The following TRIM67 variants were observed in gnomAD, a reference collection of about 807,000 sequenced individuals.
TRIM67 encodes the protein tripartite motif-containing protein 67.
In TRIM67, 39 loss-of-function variants were observed where a neutral mutation model predicts 71.0. The ratio of observed to expected loss-of-function variants is 0.55; its 90% CI spans 0.43 to 0.72. The LOEUF is 0.72. Ranked by LOEUF, TRIM67 falls within the 30% of genes least tolerant of loss-of-function variation. The pLI, the probability that TRIM67 is intolerant of heterozygous loss-of-function variation, is 0.00. For missense variants in TRIM67, 973 were observed against 1,079.2 expected (o/e 0.90, Z 1.38); for synonymous variants, 481 against 473.9 (o/e 1.01, Z -0.19).
intron 1 of TRIM67, among the ~76,000 whole-genome samples, chr1:231,171,985 A>C (rs1682629980): frequency 6.6e-6 from 1 of 152,128 alleles, no homozygotes; most frequent in Non-Finnish European, 1.5e-5. Context: ...AGTCCCAGCT[A>C]CTCAAGAGGC....
Position 231,163,997 on chromosome 1 carries a change from T to G in TRIM67, c.1028T>G (p.Met343Arg). The G allele has an allele frequency of 6.4e-7, 1 of 1,564,628 alleles. No individual in the cohort carries two copies. Among genetic ancestry groups the G allele is most frequent in the South Asian group, 1.2e-5 (1 of 83,700 alleles). ...AKHEVKPLGA[M>R]WKQHKAQLSQ... ...CACGAGGTGAAGCCGCTGGGGGCCA[T>G]GTGGAAGCAGCACAAGGTGAGCCCG... is the stretch of plus-strand genomic sequence containing the variant. Residue 343 changes from methionine (M) to arginine (R), a missense_variant, in exon 1 of 10, where the codon ATG becomes AGG. Physicochemically the swap from Met to Arg is moderately conservative, Grantham distance 91 (BLOSUM62 -1). Around this residue, in one of 2 missense-constraint regions of TRIM67, gnomAD observed 795 missense variants for 831.3 expected, o/e 0.96. Coordinates refer to ENST00000366653, the MANE Select transcript of TRIM67 (RefSeq NM_001004342.5).
Position 231,219,182 on chromosome 1 carries a change from T to C in TRIM67, c.*3742T>C. Reference sequence around the variant, plus strand: ...CACAGCCCGTGGGGTGGCGCCAGGGTTTCTCAACCTCTACTGACATTTTGC... The same window carrying C: ...CACAGCCCGTGGGGTGGCGCCAGGGCTTCTCAACCTCTACTGACATTTTGC... On this transcript the variant is annotated 3_prime_UTR_variant, in exon 10 of 10. Coordinates refer to ENST00000366653, the MANE Select transcript of TRIM67 (RefSeq NM_001004342.5). 2.0e-6 allele frequency: 2 copies of C among 985,250 alleles called. No homozygotes were observed. The highest frequency in any genetic ancestry group is 2.4e-6 in the Non-Finnish European group (2 of 829,976). The allele number at this position is 985,250 out of a possible 1,614,324, so 61.0% of individuals were successfully genotyped here.
intron 1 of TRIM67, chr1:231,184,928 G>C: frequency 8.1e-7 from 1 of 1,228,448 alleles, no homozygotes; most frequent in Non-Finnish European, 1.1e-6. Flanking sequence ...TTGAATTCAG[G>C]GCCCAACCCT....
chr1:231,197,280 C>T (rs1358984219), intron 1 of TRIM67, 91 bp from the exon 2 acceptor site: 1 of 1,060,406 alleles, frequency 9.4e-7, no homozygotes, highest in Non-Finnish European at 1.4e-6. Flanking sequence ...GTCCTATCCC[C>T]TCTTATAAAC....
rs533018657 is a variant in TRIM67, at chr1:231,162,450, C to T, written c.-520C>T. 1.9e-5 allele frequency: 3 copies of T among 153,916 alleles called. No individual in the cohort carries two copies. The highest frequency in any genetic ancestry group is 1.9e-4 in the East Asian group (1 of 5,184). The allele number at this position is 153,916 out of a possible 1,614,324, so 9.5% of individuals were successfully genotyped here. ...CCGCCTCGTGGTGCTGATCCCAGCCCCACGGCTGAGCGGCCTTCGCACCTG... is the reference window on the plus strand; with the variant it reads ...CCGCCTCGTGGTGCTGATCCCAGCCTCACGGCTGAGCGGCCTTCGCACCTG... On this transcript the variant is annotated 5_prime_UTR_variant, in exon 1 of 10. Transcript: ENST00000366653.
intron 1 of TRIM67, among the ~76,000 whole-genome samples, chr1:231,189,445 C>A (rs1013831447): frequency 2.0e-5 from 3 of 152,022 alleles, no homozygotes; most frequent in African/African-American, 7.2e-5. Context: ...TCCAATGTCA[C>A]CAGAAAGGTT....
chr1:231,188,264 G>A (rs1683139450), intron 1 of TRIM67, among the ~76,000 whole-genome samples: 1 of 152,166 alleles, frequency 6.6e-6, no homozygotes, highest in South Asian at 2.1e-4. Context: ...TGCAGTGCAG[G>A]GACAAAGCCC....
intron 1 of TRIM67, among the ~76,000 whole-genome samples, chr1:231,169,089 G>T (rs958451294): frequency 6.6e-6 from 1 of 152,084 alleles, no homozygotes; most frequent in Non-Finnish European, 1.5e-5. Flanking sequence ...ATAGAGTCTT[G>T]CTCTATTACC....
intron 1 of TRIM67, among the ~76,000 whole-genome samples, chr1:231,178,043 GA>G (rs1682802227): frequency 6.6e-6 from 1 of 152,186 alleles, no homozygotes; most frequent in Non-Finnish European, 1.5e-5. Flanking sequence ...AAAATGAGAA[GA>G]GGAGGAATTA....
rs1402174404 is a variant in TRIM67 at position 231,216,423 on chromosome 1, A to G, written c.*983A>G. The G allele has an allele frequency of 2.0e-6, 2 of 985,302 alleles. No individual in the cohort carries two copies. The highest frequency in any genetic ancestry group is 3.5e-5 in the African/African-American group (2 of 57,216). The allele number at this position is 985,302 out of a possible 1,614,324, so 61.0% of individuals were successfully genotyped here. ...TTCGCCTGGTGATGGCTCCTTTCTG[A>G]AACTGGCAGCCCAAGAAGTTAACTG... On this transcript the variant is annotated 3_prime_UTR_variant, in exon 10 of 10. Transcript: ENST00000366653.
Position 231,218,854 on chromosome 1 carries a change from C to G in TRIM67, c.*3414C>G. 1.0e-6 allele frequency: 1 copy of G among 985,504 alleles called. No individual in the cohort carries two copies. The highest frequency in any genetic ancestry group is 4.7e-5 in the South Asian group (1 of 21,288). 61.0% of individuals were successfully genotyped at this position (985,504 alleles called of 1,614,324 possible). A position where few individuals can be genotyped will look rare whatever the true frequency, so the allele number is the denominator to read the frequency against. ...GAGCTGGGGGCAGGCCCACCCTCCTCTTTGCGCCCTTTCTCTCCCTCTTGG... is the reference window on the plus strand; with the variant it reads ...GAGCTGGGGGCAGGCCCACCCTCCTGTTTGCGCCCTTTCTCTCCCTCTTGG... On this transcript the variant is annotated 3_prime_UTR_variant, in exon 10 of 10. Transcript: ENST00000366653.
In TRIM67 at chr1:231,163,891, A is replaced by G. The variant is rs369430367; in HGVS notation, c.922A>G (p.Met308Val). Reference protein sequence around the residue: ...RKFPTCPEHEMENYSMYCVSC... With the variant: ...RKFPTCPEHEVENYSMYCVSC... ...GTTCCCCACGTGTCCCGAGCATGAA[A>G]TGGAGAACTACAGCATGTACTGCGT... Residue 308 changes from methionine to valine, a missense_variant, in exon 1 of 10, where the codon ATG becomes GTG. Around this residue, in one of 2 missense-constraint regions of TRIM67, gnomAD observed 795 missense variants for 831.3 expected, o/e 0.96. Coordinates refer to ENST00000366653, the MANE Select transcript of TRIM67 (RefSeq NM_001004342.5). 1.0e-5 allele frequency: 16 copies of G among 1,584,328 alleles called. No individual in the cohort carries two copies. Among genetic ancestry groups the G allele is most frequent in the Non-Finnish European group, 1.4e-5 (16 of 1,165,984 alleles).
chr1:231,202,952 G>A (rs1683592376), intron 5 of TRIM67, among the ~76,000 whole-genome samples: 3 of 152,098 alleles, frequency 2.0e-5, no homozygotes, highest in African/African-American at 7.2e-5. Flanking sequence ...GACTGGATGG[G>A]GTCACTGGCT....
At position 231,219,538 on chromosome 1, in the gene TRIM67, C is replaced by T; in HGVS notation, c.*4098C>T. The T allele has an allele frequency of 9.2e-7, 1 of 1,084,222 alleles. No individual in the cohort carries two copies. Among genetic ancestry groups the T allele is most frequent in the Non-Finnish European group, 1.1e-6 (1 of 889,218 alleles). The allele number at this position is 1,084,222 out of a possible 1,614,324, so 67.2% of individuals were successfully genotyped here. A position where few individuals can be genotyped will look rare whatever the true frequency, so the allele number is the denominator to read the frequency against. ...AGGGGAAAATGGGGTGAGCCACCTCCAACAGATGCCAACCTGTTGGGTCTT... is the reference window on the plus strand; with the variant it reads ...AGGGGAAAATGGGGTGAGCCACCTCTAACAGATGCCAACCTGTTGGGTCTT... On this transcript the variant is annotated 3_prime_UTR_variant, in exon 10 of 10. Transcript: ENST00000366653.
At chr1:231,197,817 G>A (rs1030489423) in intron 2 of TRIM67, among the ~76,000 whole-genome samples, 10 of 152,112 alleles carry the variant, frequency 6.6e-5, no homozygotes, top group African/African-American at 2.4e-4. Context: ...AAGAGAGAAA[G>A]TCTGTCTCAA....
intron 1 of TRIM67, among the ~76,000 whole-genome samples, chr1:231,166,827 A>G (rs1682480699): frequency 6.6e-6 from 1 of 152,246 alleles, no homozygotes. Context: ...ACATTTCTGT[A>G]TGAATTTCTT....
intron 4 of TRIM67, among the ~76,000 whole-genome samples, chr1:231,201,073 AG>A (rs1471901916): frequency 6.6e-6 from 1 of 152,222 alleles, no homozygotes; most frequent in Non-Finnish European, 1.5e-5. Context: ...GTATTTAAAA[AG>A]CATCTTGCAT....
intron 1 of TRIM67, among the ~76,000 whole-genome samples, chr1:231,189,194 A>G (rs1423009843): frequency 6.6e-6 from 1 of 152,196 alleles, no homozygotes; most frequent in Non-Finnish European, 1.5e-5. Flanking sequence ...AGCAGCAGAC[A>G]TTGAACAGTT....
intron 8 of TRIM67, among the ~76,000 whole-genome samples, chr1:231,211,445 T>A (rs1341869424): frequency 6.6e-6 from 1 of 152,158 alleles, no homozygotes; most frequent in Non-Finnish European, 1.5e-5. Flanking sequence ...ACTGGGGGCC[T>A]GAGGCTTTGC....
Sources: gnomAD v4.1 joint callset for allele counts (sites outside exome capture counted in the v4.1 genomes callset) on GRCh38, gnomAD v4.1.1 for gene constraint, gnomAD v4.1.1 regional missense constraint, MANE v1.5 for transcripts, NCBI Gene and HGNC (gene_info 2026-07-23, HGNC 2026-07-21) for gene names.